DNAH6: variants seen among roughly 807,000 people sequenced by gnomAD.
DNAH6 encodes dynein axonemal heavy chain 6, also known as axonemal beta dynein heavy chain 6.
A neutral mutation model predicts 491.4 loss-of-function variants in DNAH6; 340 were observed. That is an observed-to-expected ratio of 0.69 (90% CI 0.63 to 0.76). The LOEUF (loss-of-function observed/expected upper bound fraction) is 0.76, where lower values mean the gene tolerates loss of function less well. Ranked by LOEUF, DNAH6 falls within the 30% of genes least tolerant of loss-of-function variation. The pLI is 0.00. For missense variants in DNAH6, 4,443 were observed against 4,972.2 expected (o/e 0.89, Z 3.20); for synonymous variants, 1,603 against 1,686.1 (o/e 0.95, Z 1.21).
chr2:84,583,148 G>A (rs1196516556), intron 14 of DNAH6, among the ~76,000 whole-genome samples: 1 of 152,222 alleles, frequency 6.6e-6, no homozygotes, highest in East Asian at 1.9e-4. Flanking sequence ...AAGATGTTTA[G>A]TAGTCACTGG....
chr2:84,721,425 T>G (rs1219816193), intron 59 of DNAH6, among the ~76,000 whole-genome samples: 1 of 152,138 alleles, frequency 6.6e-6, no homozygotes, highest in Non-Finnish European at 1.5e-5. Context: ...ATCCTTCCCC[T>G]CCCTTTCCTG....
chr2:84,508,456 C>A, the DNAH6 span, among the ~76,000 whole-genome samples: 1 of 152,056 alleles, frequency 6.6e-6, no homozygotes, highest in Non-Finnish European at 1.5e-5. Context: ...ATTCTTTTCT[C>A]TTTTCTTCTT....
At chr2:84,667,270 C>G (rs1351249241) in intron 37 of DNAH6, among the ~76,000 whole-genome samples, 1 of 152,126 alleles carries the variant, frequency 6.6e-6, no homozygotes, top group Non-Finnish European at 1.5e-5. Flanking sequence ...AACTAAAGAG[C>G]TTCTGCACAG....
the DNAH6 span, among the ~76,000 whole-genome samples, chr2:84,492,729 C>T: frequency 6.6e-6 from 1 of 152,142 alleles, no homozygotes; most frequent in African/African-American, 2.4e-5. Context: ...TACCTAAGTG[C>T]CTCGGGGAAT....
At position 84,667,427 on chromosome 2, in the gene DNAH6, A is replaced by G. The variant is rs371694670; in HGVS notation, c.6085-1862A>G. Among the ~76,000 whole-genome samples, 5 of 152,352 alleles carry G rather than the reference A, an allele frequency of 3.3e-5. No individual in the cohort carries two copies. The East Asian group carries it at 9.6e-4, about 29-fold the overall frequency. On this transcript the variant is annotated intron_variant, in intron 37 of 76. Coordinates refer to ENST00000389394, the MANE Select transcript of DNAH6 (RefSeq NM_001370.2). ...GAAAAAAAATCAAACAACCACATCA[A>G]AAAGTGGGCGAAGGATGTGAACAGA...
intron 59 of DNAH6, among the ~76,000 whole-genome samples, chr2:84,718,968 A>C (rs974525073): frequency 6.6e-6 from 1 of 152,242 alleles, no homozygotes; most frequent in Non-Finnish European, 1.5e-5. Context: ...GTTTTACCTT[A>C]AACTTAAAAT....
chr2:84,623,946 GA>G (rs1179046643), intron 26 of DNAH6, among the ~76,000 whole-genome samples: 7 of 152,190 alleles, frequency 4.6e-5, no homozygotes, highest in African/African-American at 1.7e-4. Flanking sequence ...TAGTGGTTAA[GA>G]ACGTGGGCTT....
chr2:84,611,120 A>G (rs1031628346), intron 21 of DNAH6, among the ~76,000 whole-genome samples: 2 of 142,012 alleles, frequency 1.4e-5, no homozygotes, highest in Admixed American at 6.9e-5. Flanking sequence ...CTGACCGTGT[A>G]TTTCTGATTT....
intron 59 of DNAH6, among the ~76,000 whole-genome samples, chr2:84,719,667 C>T (rs1011385526): frequency 2.0e-5 from 3 of 151,870 alleles, no homozygotes; most frequent in East Asian, 1.9e-4. Flanking sequence ...CACGCCACTA[C>T]GCCCAACTAA....
At chr2:84,459,676 G>C in the DNAH6 span, 26 of 187,408 alleles carry the variant, frequency 1.4e-4, no homozygotes, top group East Asian at 3.5e-3. Context: ...GCGAGGTGAG[G>C]TGCGAAGAGC....
chr2:84,629,816 G>C (rs1688234315), intron 29 of DNAH6, among the ~76,000 whole-genome samples: 1 of 152,064 alleles, frequency 6.6e-6, no homozygotes, highest in Non-Finnish European at 1.5e-5. Context: ...GCAACATCCT[G>C]TCCTATCTGA....
At chr2:84,725,619 AT>A in intron 60 of DNAH6, among the ~76,000 whole-genome samples, 1 of 152,338 alleles carries the variant, frequency 6.6e-6, no homozygotes, top group South Asian at 2.1e-4. Context: ...CCTTCAAGAA[AT>A]AAAAGTGAAA....
rs1479406898 is a variant in DNAH6 at position 84,640,548 on chromosome 2, G to A, written c.4940G>A (p.Arg1647Lys). Residue 1647 changes from arginine to lysine, a missense_variant, in exon 32 of 77, where the codon AGA (arginine) becomes AAA (lysine). By Grantham distance (26) the Arg-to-Lys change is conservative. Around this residue, in one of 3 missense-constraint regions of DNAH6, gnomAD observed 2,977 missense variants for 3,296.6 expected, o/e 0.90. Transcript: ENST00000389394. ...CAGGATCACTACGACTTTGGCATGA[G>A]AGCTGTGAAGTCTGTCCTGGTCATG... ...SQQDHYDFGM[R>K]AVKSVLVMAG... is the part of the protein sequence containing the mutation. 1 of 1,550,804 alleles carries A rather than the reference G, an allele frequency of 6.4e-7. No homozygotes were observed. Among genetic ancestry groups the A allele is most frequent in the African/African-American group, 1.4e-5 (1 of 73,114 alleles).
At chr2:84,812,036 A>G (rs1680035932) in intron 72 of DNAH6, among the ~76,000 whole-genome samples, 1 of 152,020 alleles carries the variant, frequency 6.6e-6, no homozygotes, top group Admixed American at 6.5e-5. Flanking sequence ...GGCCTGGAGG[A>G]GTGCTGGACA....
Position 84,701,097 on chromosome 2 carries a change from TGGCCCA to T in DNAH6, c.7821_7826del (p.Trp2607_Arg2609delinsTer), listed in dbSNP as rs1201637182. On this transcript the variant is annotated stop_gained and inframe_deletion and splice_region_variant, in exon 49 of 77. Transcript: ENST00000389394. LOFTEE classifies it high-confidence loss of function. ...TTCTAGATTTTTCCTTGATTCACAG[TGGCCCA>T]GAGAAGCACTTCTTTCTGTGTCAAA... The T allele has an allele frequency of 1.9e-6, 3 of 1,548,282 alleles. No homozygotes were observed. In the African/African-American group the frequency reaches 4.1e-5, roughly 21 times the overall value.
At chr2:84,801,252 A>G (rs991892449) in intron 70 of DNAH6, among the ~76,000 whole-genome samples, 1 of 150,624 alleles carries the variant, frequency 6.6e-6, no homozygotes, top group African/African-American at 2.4e-5. Flanking sequence ...ATAATTAAAA[A>G]AAAAGAAAAA....
Position 84,705,757 on chromosome 2 carries a change from C to T in DNAH6, c.8727+10C>T. ...GCTCCGCGCCGCACAGGTACATTTT[C>T]TGTATTGTGATATTTTATAGAATTG... On this transcript the variant is annotated intron_variant, in intron 52 of 76. Coordinates refer to ENST00000389394, the MANE Select transcript of DNAH6 (RefSeq NM_001370.2). 1.3e-6 allele frequency: 2 copies of T among 1,537,356 alleles called. No homozygotes were observed. Among genetic ancestry groups the T allele is most frequent in the Non-Finnish European group, 1.8e-6 (2 of 1,141,666 alleles).
chr2:84,603,609 G>A (rs545621656), intron 18 of DNAH6, among the ~76,000 whole-genome samples: 11 of 152,158 alleles, frequency 7.2e-5, no homozygotes, highest in African/African-American at 2.6e-4. Flanking sequence ...CTTTTTCTCA[G>A]AATTCCTATC....
At position 84,686,554 on chromosome 2, in the gene DNAH6, T is replaced by C; in HGVS notation, c.7134T>C (p.Ile2378=). The C allele has an allele frequency of 6.7e-7, 1 of 1,496,544 alleles. No homozygotes were observed. The highest frequency in any genetic ancestry group is 9.1e-7 in the Non-Finnish European group (1 of 1,100,228). 92.7% of individuals were successfully genotyped at this position (1,496,544 alleles called of 1,614,324 possible). The stretch of plus-strand genomic sequence containing the variant: ...AGCCCATCATATTTGGAGATTTCAT[T>C]AAGGCAAGTATGTTAGATTGACTTG... ...LNKPIIFGDF[I]KFGADKADRI... The change falls in exon 44 of 77, where the codon ATT becomes ATC. Residue 2378 remains isoleucine (I), a synonymous_variant. Coordinates refer to ENST00000389394, the MANE Select transcript of DNAH6 (RefSeq NM_001370.2).
Sources: gnomAD v4.1 joint callset for allele counts (sites outside exome capture counted in the v4.1 genomes callset) on GRCh38, gnomAD v4.1.1 for gene constraint, gnomAD v4.1.1 regional missense constraint, MANE v1.5 for transcripts, NCBI Gene and HGNC (gene_info 2026-07-23, HGNC 2026-07-21) for gene names.